The following LAMB4 variants were observed in gnomAD, a reference collection of about 807,000 sequenced individuals.
LAMB4 encodes the protein laminin subunit beta-4.
Under a neutral mutation model 199.2 loss-of-function variants are expected in LAMB4, and 196 were observed. The observed-to-expected ratio is 0.98, with a 90% confidence interval of 0.88 to 1.11. The LOEUF (loss-of-function observed/expected upper bound fraction) is 1.11, where lower values mean the gene tolerates loss of function less well. Ranked by LOEUF, LAMB4 falls within the 50% of genes least tolerant of loss-of-function variation. The pLI, the probability that LAMB4 is intolerant of heterozygous loss-of-function variation, is 0.00. For missense variants in LAMB4, 2,080 were observed against 2,171.2 expected (o/e 0.96, Z 0.83); for synonymous variants, 744 against 770.6 (o/e 0.97, Z 0.57).
At chr7:108,106,052 A>C (rs1382758965) in intron 7 of LAMB4, 21 bp from the exon 8 acceptor site, 1 of 1,572,422 alleles carries the variant, frequency 6.4e-7, no homozygotes. Context: ...GAAAATAATG[A>C]ATCAAAGTGA....
At chr7:108,030,181 C>T (rs2034980945) in intron 32 of LAMB4, among the ~76,000 whole-genome samples, 1 of 151,464 alleles carries the variant, frequency 6.6e-6, no homozygotes, top group African/African-American at 2.4e-5. Flanking sequence ...CAGTTCCTGT[C>T]AGTGGAAAAT....
At chr7:108,126,517 GGTTCATCCAT>G (rs1449500261) in intron 1 of LAMB4, among the ~76,000 whole-genome samples, 3 of 149,128 alleles carry the variant, frequency 2.0e-5, no homozygotes, top group African/African-American at 7.4e-5. Flanking sequence ...ATGTCCTAAA[GGTTCATCCAT>G]GTTGTAGGAT....
intron 3 of LAMB4, among the ~76,000 whole-genome samples, chr7:108,115,655 G>C (rs2038378128): frequency 7.0e-6 from 1 of 143,724 alleles, no homozygotes; most frequent in Non-Finnish European, 1.5e-5. Context: ...ACAATAAAAA[G>C]AACACATTTT....
chr7:108,069,642 A>G (rs921011962), intron 18 of LAMB4, 66 bp downstream of exon 18: 3 of 1,455,694 alleles, frequency 2.1e-6, no homozygotes, highest in Non-Finnish European at 2.8e-6. Flanking sequence ...ACATAAATTG[A>G]TTTGCTCCAA....
At chr7:108,118,251 A>C (rs1313876530) in intron 2 of LAMB4, among the ~76,000 whole-genome samples, 1 of 152,226 alleles carries the variant, frequency 6.6e-6, no homozygotes. Flanking sequence ...ATTGCAATTC[A>C]AAATGATAGT....
intron 4 of LAMB4, among the ~76,000 whole-genome samples, chr7:108,110,796 A>G (rs928139332): frequency 3.3e-5 from 5 of 152,218 alleles, no homozygotes. Context: ...ATATTCATTA[A>G]GGAGAGTCCA....
intron 14 of LAMB4, among the ~76,000 whole-genome samples, chr7:108,086,020 C>T (rs1329891495): frequency 6.6e-6 from 1 of 152,190 alleles, no homozygotes; most frequent in African/African-American, 2.4e-5. Context: ...TGGGTTAGTG[C>T]ATGCAGCTGC....
intron 12 of LAMB4, 25 bp from the exon 13 acceptor site, chr7:108,092,441 AT>A (rs767978164): frequency 1.3e-6 from 2 of 1,563,220 alleles, no homozygotes; most frequent in Non-Finnish European, 1.8e-6. Context: ...TGCTCAGCTG[AT>A]TCCAGCTATG....
At chr7:108,051,817 A>T (rs1419567076) in intron 26 of LAMB4, among the ~76,000 whole-genome samples, 1 of 151,936 alleles carries the variant, frequency 6.6e-6, no homozygotes, top group African/African-American at 2.4e-5. Flanking sequence ...ATTATTCAAG[A>T]CCCCTTACAT....
chr7:108,031,369 G>GAAAAAA (rs371230419), intron 31 of LAMB4, among the ~76,000 whole-genome samples: 7 of 81,158 alleles, frequency 8.6e-5, no homozygotes, highest in Non-Finnish European at 1.3e-4. Flanking sequence ...AAAAGGAAAA[G>GAAAAAA]AAAAAAAAAA....
intron 12 of LAMB4, among the ~76,000 whole-genome samples, chr7:108,094,796 C>G (rs543882344): frequency 1.3e-5 from 2 of 152,090 alleles, no homozygotes; most frequent in East Asian, 3.9e-4. Context: ...ATACATTAAA[C>G]CTAAGCTTGT....
rs1360881679 is a variant in LAMB4, at chr7:108,049,655, T to C, written c.3917-124A>G. The C allele has an allele frequency of 5.2e-5, 29 of 557,020 alleles. No individual in the cohort carries two copies. The East Asian group carries it at 8.9e-4, about 17-fold the overall frequency. 34.5% of individuals were successfully genotyped at this position (557,020 alleles called of 1,614,324 possible). A position where few individuals can be genotyped will look rare whatever the true frequency, so the allele number is the denominator to read the frequency against. ...TGGTCTCAACTATCACCATAAAATT[T>C]CAACATCTTCCTTGAATTTGCAATT... On this transcript the variant is annotated intron_variant, in intron 26 of 33. Coordinates refer to ENST00000388781, the MANE Select transcript of LAMB4 (RefSeq NM_007356.3).
chr7:108,039,832 G>A lies in LAMB4; in HGVS notation c.4472-2237C>T, dbSNP rs772794146. Among the ~76,000 whole-genome samples the A allele has an allele frequency of 5.3e-5, 8 of 152,298 alleles. No individual in the cohort carries two copies. The South Asian group carries it at 1.7e-3, about 32-fold the overall frequency. ...TCATACTGAATGGGCAAAAGCTGAAGCATTCTCCTTGAAAACCAGCACAAG... is the reference window on the plus strand; with the variant it reads ...TCATACTGAATGGGCAAAAGCTGAAACATTCTCCTTGAAAACCAGCACAAG... On this transcript the variant is annotated intron_variant, in intron 29 of 33. Coordinates refer to ENST00000388781, the MANE Select transcript of LAMB4 (RefSeq NM_007356.3).
intron 12 of LAMB4, among the ~76,000 whole-genome samples, chr7:108,092,926 G>A (rs1416995822): frequency 6.6e-6 from 1 of 152,054 alleles, no homozygotes; most frequent in African/African-American, 2.4e-5. Flanking sequence ...TAAAATGAAG[G>A]GGACAGGAAG....
downstream of LAMB4, among the ~76,000 whole-genome samples, chr7:108,018,832 T>C (rs1375244413): frequency 2.6e-5 from 4 of 152,184 alleles, no homozygotes; most frequent in Admixed American, 1.3e-4. Context: ...TGGGATGCTG[T>C]ATTATCTTTT....
Position 108,043,810 on chromosome 7 carries a change from A to G in LAMB4, c.4413T>C (p.Ser1471=). The G allele has an allele frequency of 6.2e-7, 1 of 1,606,294 alleles. No individual in the cohort carries two copies. The highest frequency in any genetic ancestry group is 8.5e-7 in the Non-Finnish European group (1 of 1,174,826). Residue 1471 remains serine, a synonymous_variant, in exon 29 of 34, where the codon AGT becomes AGC. Coordinates refer to ENST00000388781, the MANE Select transcript of LAMB4 (RefSeq NM_007356.3). ...REKLGNIRNQ[S]DSEEENINLF... is the part of the protein sequence containing the mutation. ...GATTGATGTTTTCTTCTTCAGAGTC[A>G]CTTTGGTTTCTTATATTTCCCAGTT...
chr7:108,026,890 C>G (rs562878723), intron 33 of LAMB4: 94 of 517,556 alleles, frequency 1.8e-4, no homozygotes, highest in South Asian at 1.3e-3. Context: ...TCTCATTTTT[C>G]TATCTTGCTG....
chr7:108,095,209 A>ACTTTT lies in LAMB4; in HGVS notation c.1470+18_1470+19insAAAAG. Reference sequence around the variant, plus strand: ...ATCTGTATCACTATAGAAAAGGGAAACTATAGGCAAATACATACAGTGCAT... The same window carrying ACTTTT: ...ATCTGTATCACTATAGAAAAGGGAAACTTTTCTATAGGCAAATACATACAGTGCAT... On this transcript the variant is annotated intron_variant, in intron 12 of 33. Coordinates refer to ENST00000388781, the MANE Select transcript of LAMB4 (RefSeq NM_007356.3). 1 of 1,569,406 alleles carries ACTTTT rather than the reference A, an allele frequency of 6.4e-7. No individual in the cohort carries two copies. The highest frequency in any genetic ancestry group is 8.8e-7 in the Non-Finnish European group (1 of 1,140,686).
chr7:108,068,437 T>A (rs1563063353), intron 18 of LAMB4, among the ~76,000 whole-genome samples: 1 of 152,220 alleles, frequency 6.6e-6, no homozygotes, highest in Non-Finnish European at 1.5e-5. Flanking sequence ...TTTTAAATAA[T>A]TATTCTAATG....
Sources: allele counts gnomAD v4.1 joint callset (sites outside exome capture counted in the v4.1 genomes callset), GRCh38; gene constraint gnomAD v4.1.1; transcripts MANE v1.5; gene names NCBI Gene and HGNC (gene_info 2026-07-23, HGNC 2026-07-21).